The following PPM1L variants were observed in gnomAD, a reference collection of about 807,000 sequenced individuals.
PPM1L encodes protein phosphatase, Mg2+/Mn2+ dependent 1L.
PPM1L carries 13 observed loss-of-function variants against 31.4 expected under a neutral mutation model. That is an observed-to-expected ratio of 0.41 (90% CI 0.27 to 0.66). PPM1L has a LOEUF of 0.66. PPM1L is among the 30% of genes least tolerant of loss of function. PPM1L has a pLI of 0.29. For missense variants in PPM1L, 326 were observed against 453.7 expected, an observed-to-expected ratio of 0.72 and a Z score of 2.56; for synonymous variants, 184 against 175.4, an observed-to-expected ratio of 1.05 and a Z score of -0.39.
At chr3:160,840,710 A>G (rs946276114) in intron 1 of PPM1L, among the ~76,000 whole-genome samples, 1 of 150,120 alleles carries the variant, frequency 6.7e-6, no homozygotes, top group Non-Finnish European at 1.5e-5. Flanking sequence ...ATGGTATTCT[A>G]TCTCCAGGGG....
chr3:160,797,008 G>A (rs1010403313), intron 1 of PPM1L, among the ~76,000 whole-genome samples: 1 of 152,132 alleles, frequency 6.6e-6, no homozygotes, highest in African/African-American at 2.4e-5. Flanking sequence ...TCCAAGTACA[G>A]GTACACCTTG....
At position 161,002,943 on chromosome 3, in the gene PPM1L, G is replaced by A. The variant is rs1171017630; in HGVS notation, c.574+41033G>A. Among the ~76,000 whole-genome samples the A allele has an allele frequency of 9.5e-3, 1,417 of 149,272 alleles. 21 individuals carry two copies. The highest frequency in any genetic ancestry group is 0.033 in the African/African-American group (1,324 of 40,572). On this transcript the variant is annotated intron_variant, in intron 2 of 3. Transcript: ENST00000498165. The stretch of plus-strand genomic sequence containing the variant: ...CTATGTCCTGAATGGTAATGCCTAG[G>A]TTTTCTTCTAGGGTTTTTATGGTTT...
intron 2 of PPM1L, among the ~76,000 whole-genome samples, chr3:161,013,767 A>G (rs1717976967): frequency 6.6e-6 from 1 of 152,062 alleles, no homozygotes; most frequent in African/African-American, 2.4e-5. Context: ...TGATACCTTT[A>G]CCATTATGTA....
intron 2 of PPM1L, among the ~76,000 whole-genome samples, chr3:161,035,665 A>C (rs1318613476): frequency 6.6e-6 from 1 of 152,260 alleles, no homozygotes; most frequent in Admixed American, 6.5e-5. Context: ...ACTAAATAAA[A>C]TCAGGTCATG....
At chr3:160,919,522 T>C (rs1714313318) in intron 1 of PPM1L, among the ~76,000 whole-genome samples, 1 of 152,178 alleles carries the variant, frequency 6.6e-6, no homozygotes. Context: ...GGAGGAAGGC[T>C]CTTGGAGCGA....
chr3:161,011,074 G>C (rs1286720770), intron 2 of PPM1L, among the ~76,000 whole-genome samples: 1 of 152,166 alleles, frequency 6.6e-6, no homozygotes, highest in African/African-American at 2.4e-5. Flanking sequence ...TGGTGTTTCA[G>C]ACGTGAAGTC....
intron 1 of PPM1L, among the ~76,000 whole-genome samples, chr3:160,847,810 C>T (rs994432811): frequency 6.6e-6 from 1 of 152,162 alleles, no homozygotes; most frequent in African/African-American, 2.4e-5. Context: ...AATATTGGGC[C>T]TTTTCCAGAT....
chr3:160,931,430 C>T (rs1431653703), intron 1 of PPM1L, among the ~76,000 whole-genome samples: 2 of 152,238 alleles, frequency 1.3e-5, no homozygotes, highest in African/African-American at 2.4e-5. Context: ...ATTTACTGAA[C>T]ACCTACTATT....
intron 1 of PPM1L, among the ~76,000 whole-genome samples, chr3:160,815,845 G>T (rs1486486756): frequency 2.6e-5 from 4 of 152,106 alleles, no homozygotes; most frequent in Non-Finnish European, 5.9e-5. Flanking sequence ...CTGAATAAGG[G>T]CACACATCCA....
chr3:160,894,266 T>G (rs1003501426), intron 1 of PPM1L, among the ~76,000 whole-genome samples: 1 of 152,192 alleles, frequency 6.6e-6, no homozygotes, highest in Admixed American at 6.5e-5. Context: ...GGTTTCTGTT[T>G]CCATTACAAC....
chr3:160,958,505 C>A (rs550111364), intron 1 of PPM1L, among the ~76,000 whole-genome samples: 1 of 152,302 alleles, frequency 6.6e-6, no homozygotes, highest in South Asian at 2.1e-4. Context: ...ACAGATATTA[C>A]ACTGAGTAAC....
intron 2 of PPM1L, among the ~76,000 whole-genome samples, chr3:160,994,713 GTCA>G (rs1717250297): frequency 6.6e-6 from 1 of 152,310 alleles, no homozygotes; most frequent in African/African-American, 2.4e-5. Context: ...CAAGATTCCT[GTCA>G]TCATGAGATT....
At chr3:160,814,520 CACACACATATGTATGTATGTGTATATAT>C (rs1712909324) in intron 1 of PPM1L, among the ~76,000 whole-genome samples, 1 of 117,200 alleles carries the variant, frequency 8.5e-6, no homozygotes, top group South Asian at 2.7e-4. Flanking sequence ...TATATATATA[CACACACATATGTATGTATGTGTATATAT>C]ACACACACAC....
At chr3:160,941,614 A>G (rs755187920) in intron 1 of PPM1L, among the ~76,000 whole-genome samples, 25 of 151,968 alleles carry the variant, frequency 1.6e-4, no homozygotes, top group Admixed American at 5.9e-4. Flanking sequence ...CCCTCCCGCG[A>G]TGATTCTGAG....
At chr3:161,008,774 GAGA>G (rs1366101854) in intron 2 of PPM1L, among the ~76,000 whole-genome samples, 6 of 152,308 alleles carry the variant, frequency 3.9e-5, no homozygotes, top group Non-Finnish European at 5.9e-5. Context: ...AATGCTACAA[GAGA>G]AGAAGATTTG....
At chr3:161,011,762 T>A (rs1717903178) in intron 2 of PPM1L, among the ~76,000 whole-genome samples, 1 of 152,204 alleles carries the variant, frequency 6.6e-6, no homozygotes, top group African/African-American at 2.4e-5. Flanking sequence ...CCTAGGTATT[T>A]TATTCTCTTT....
chr3:160,866,385 A>G (rs1712086891), intron 1 of PPM1L, among the ~76,000 whole-genome samples: 2 of 152,352 alleles, frequency 1.3e-5, no homozygotes, highest in South Asian at 2.1e-4. Flanking sequence ...CCATGAAAAC[A>G]TAACAAAACT....
At chr3:161,065,347 A>G in intron 2 of PPM1L, 56 bp from the exon 3 acceptor site, 1 of 1,545,962 alleles carries the variant, frequency 6.5e-7, no homozygotes, top group Admixed American at 1.8e-5. Flanking sequence ...ACAAGAAGCA[A>G]TGGAACCTGA....
In PPM1L at chr3:161,037,141, A is replaced by G. The variant is rs188888276; in HGVS notation, c.575-28262A>G. 8.5e-5 allele frequency among the ~76,000 whole-genome samples: 13 copies of G among 152,304 alleles called. No homozygotes were observed. In the East Asian group the frequency reaches 2.3e-3, roughly 27 times the overall value. On this transcript the variant is annotated intron_variant, in intron 2 of 3. Transcript: ENST00000498165. Reference sequence around the variant, plus strand: ...ACTTAATTCTTCTCCCTTTGAGTGCAGGGAGGACTTTATGATTCCTTTGTA... The same window carrying G: ...ACTTAATTCTTCTCCCTTTGAGTGCGGGGAGGACTTTATGATTCCTTTGTA...
Sources: allele counts gnomAD v4.1 joint callset (sites outside exome capture counted in the v4.1 genomes callset), GRCh38; gene constraint gnomAD v4.1.1; transcripts MANE v1.5; gene names NCBI Gene and HGNC (gene_info 2026-07-23, HGNC 2026-07-21).